CUX2: variants seen among roughly 807,000 people sequenced by gnomAD.
The protein encoded by CUX2 is homeobox protein cut-like 2.
Under a neutral mutation model 144.8 loss-of-function variants are expected in CUX2, and 40 were observed. The observed-to-expected ratio is 0.28, with a 90% CI of 0.21 to 0.36. The LOEUF is 0.36. CUX2 is among the 10% of genes least tolerant of loss of function. The pLI, the probability that CUX2 is intolerant of heterozygous loss-of-function variation, is 1.00. For missense variants in CUX2, 1,615 were observed against 1,994.0 expected, an observed-to-expected ratio of 0.81 and a Z score of 3.62; for synonymous variants, 827 against 875.6, an observed-to-expected ratio of 0.94 and a Z score of 0.98.
Position 111,293,578 on chromosome 12 carries a change from G to A in CUX2, c.560+9G>A. The A allele has an allele frequency of 6.4e-7, 1 of 1,567,592 alleles. No homozygotes were observed. Among genetic ancestry groups the A allele is most frequent in the Non-Finnish European group, 8.6e-7 (1 of 1,156,580 alleles). ...GAGGCGGAAAAACAAAAGTGAGGAAGGGAAGGTGGGTGGGAGGGAGGAAGG... is the reference window on the plus strand; with the variant it reads ...GAGGCGGAAAAACAAAAGTGAGGAAAGGAAGGTGGGTGGGAGGGAGGAAGG... On this transcript the variant is annotated intron_variant, in intron 6 of 21. Coordinates refer to ENST00000261726, the MANE Select transcript of CUX2 (RefSeq NM_015267.4). This position sits in a 1 kb window ranked among gnomAD's most constrained non-coding sequence, Gnocchi z 4.5.
intron 1 of CUX2, chr12:111,100,203 ATG>A (rs925332149): frequency 6.9e-5 from 20 of 288,020 alleles, no homozygotes; most frequent in Middle Eastern, 1.1e-3. Context: ...GTGTGTGTGT[ATG>A]TGTGTGTGTG....
At chr12:111,213,678 A>G (rs897490623) in intron 1 of CUX2, among the ~76,000 whole-genome samples, 1 of 152,166 alleles carries the variant, frequency 6.6e-6, no homozygotes, top group Non-Finnish European at 1.5e-5. Flanking sequence ...AAAGCCATCT[A>G]TATCTTAAAA....
intron 3 of CUX2, among the ~76,000 whole-genome samples, chr12:111,262,061 G>A (rs1884155691): frequency 6.6e-6 from 1 of 152,056 alleles, no homozygotes; most frequent in Non-Finnish European, 1.5e-5. Flanking sequence ...ACCAAACTGG[G>A]TCAGCCTCCC....
intron 21 of CUX2, among the ~76,000 whole-genome samples, chr12:111,345,305 T>C (rs1214952933): frequency 6.8e-6 from 1 of 147,630 alleles, no homozygotes; most frequent in Non-Finnish European, 1.5e-5. Flanking sequence ...AAAATTAGCA[T>C]GGTGACGTGC....
intron 1 of CUX2, among the ~76,000 whole-genome samples, chr12:111,102,774 C>A (rs1349277370): frequency 6.6e-6 from 1 of 152,124 alleles, no homozygotes; most frequent in Non-Finnish European, 1.5e-5. Context: ...CTCTCTGAGC[C>A]TCTGTTTACC....
chr12:111,285,311 G>A (rs962042893), intron 4 of CUX2, among the ~76,000 whole-genome samples: 1 of 152,188 alleles, frequency 6.6e-6, no homozygotes. Context: ...CCAGAGCAGT[G>A]AGTAGCTGGG....
chr12:111,132,010 C>T (rs780294578), intron 1 of CUX2, among the ~76,000 whole-genome samples: 6 of 152,254 alleles, frequency 3.9e-5, no homozygotes, highest in Non-Finnish European at 7.3e-5. Flanking sequence ...GCTCCCACCC[C>T]GCATTTCCCT....
intron 14 of CUX2, among the ~76,000 whole-genome samples, chr12:111,308,749 C>T (rs537528845): frequency 6.6e-6 from 1 of 152,180 alleles, no homozygotes; most frequent in Non-Finnish European, 1.5e-5. Flanking sequence ...CCTTCCAAGG[C>T]CCCCTAAAGA....
At chr12:111,216,666 C>T (rs1411308539) in intron 2 of CUX2, among the ~76,000 whole-genome samples, 3 of 152,202 alleles carry the variant, frequency 2.0e-5, no homozygotes, top group African/African-American at 7.2e-5. Flanking sequence ...GAGTTCACCA[C>T]CTGTGACCCA....
intron 1 of CUX2, among the ~76,000 whole-genome samples, chr12:111,112,738 C>T (rs910985146): frequency 1.1e-4 from 17 of 152,174 alleles, no homozygotes; most frequent in African/African-American, 3.6e-4. Flanking sequence ...TTAAAATAAG[C>T]CTTAATAAAG....
chr12:111,097,658 C>T (rs568454920), intron 1 of CUX2, among the ~76,000 whole-genome samples: 1 of 152,216 alleles, frequency 6.6e-6, no homozygotes, highest in Non-Finnish European at 1.5e-5. Flanking sequence ...CCACCCGTGA[C>T]TGCACAAGAC....
At chr12:111,125,471 G>T (rs374901175) in intron 1 of CUX2, among the ~76,000 whole-genome samples, 2 of 152,230 alleles carry the variant, frequency 1.3e-5, no homozygotes, top group East Asian at 3.9e-4. Context: ...GTGCCACTGC[G>T]CCCGGCCTGG....
At chr12:111,079,632 C>T (rs894986034) in intron 1 of CUX2, among the ~76,000 whole-genome samples, 1 of 152,206 alleles carries the variant, frequency 6.6e-6, no homozygotes, top group South Asian at 2.1e-4. Context: ...TCTCATTCCC[C>T]CATGCTCTGC....
At chr12:111,179,682 GTT>G (rs771551244) in intron 1 of CUX2, among the ~76,000 whole-genome samples, 1 of 141,814 alleles carries the variant, frequency 7.1e-6, no homozygotes, top group Non-Finnish European at 1.6e-5. Context: ...CCATGGTTTT[GTT>G]TTTTTTTTTT....
chr12:111,048,619 G>T (rs1465406517), intron 1 of CUX2, among the ~76,000 whole-genome samples: 3 of 152,116 alleles, frequency 2.0e-5, no homozygotes, highest in East Asian at 3.9e-4. Flanking sequence ...TCTGAGAAGG[G>T]CCCTTTGCCC....
intron 18 of CUX2, among the ~76,000 whole-genome samples, chr12:111,326,792 T>G (rs902950029): frequency 1.3e-5 from 2 of 151,974 alleles, no homozygotes; most frequent in African/African-American, 4.8e-5. Flanking sequence ...TAATCCCAGC[T>G]ACTCGGGAGG....
intron 4 of CUX2, among the ~76,000 whole-genome samples, chr12:111,283,409 G>A (rs979242662): frequency 2.6e-5 from 4 of 152,112 alleles, no homozygotes; most frequent in Admixed American, 6.6e-5. Context: ...CCAATGCCTC[G>A]AGGGAGGTTT....
At chr12:111,087,684 C>G (rs1012353670) in intron 1 of CUX2, among the ~76,000 whole-genome samples, 18 of 152,324 alleles carry the variant, frequency 1.2e-4, no homozygotes, top group African/African-American at 4.3e-4. Flanking sequence ...GAGGCTTTGT[C>G]TGCCTTTGTG....
intron 1 of CUX2, among the ~76,000 whole-genome samples, chr12:111,131,147 C>T (rs537822741): frequency 5.4e-4 from 82 of 152,236 alleles, no homozygotes; most frequent in African/African-American, 2.4e-4. Context: ...CACATGGCTG[C>T]GGTGGCCTCA....
Sources: gnomAD v4.1 joint callset for allele counts (sites outside exome capture counted in the v4.1 genomes callset) on GRCh38, gnomAD v4.1.1 for gene constraint, Gnocchi (gnomAD v3.1) non-coding constraint, MANE v1.5 for transcripts, NCBI Gene and HGNC (gene_info 2026-07-23, HGNC 2026-07-21) for gene names.